The following ATP10D variants were observed in gnomAD, a reference collection of about 807,000 sequenced individuals.
The protein encoded by ATP10D is ATPase phospholipid transporting 10D (putative).
ATP10D carries 89 observed loss-of-function variants against 144.8 expected under a neutral mutation model. That is an observed-to-expected ratio of 0.61 (90% confidence interval 0.52 to 0.73). ATP10D has a LOEUF of 0.73. ATP10D is among the 30% of genes least tolerant of loss of function. The pLI, the probability that ATP10D is intolerant of heterozygous loss-of-function variation, is 0.00. For missense variants in ATP10D, 1,603 were observed against 1,714.8 expected (o/e 0.93, Z 1.15); for synonymous variants, 571 against 615.1 (o/e 0.93, Z 1.06).
chr4:47,573,053 C>G, intron 18 of ATP10D, 56 bp downstream of exon 18: 1 of 1,585,740 alleles, frequency 6.3e-7, no homozygotes, highest in Non-Finnish European at 8.6e-7. Context: ...AAGACTGTTG[C>G]ATCAGGGATG....
At chr4:47,534,475 A>G (rs2109422239) in intron 5 of ATP10D, among the ~76,000 whole-genome samples, 1 of 152,268 alleles carries the variant, frequency 6.6e-6, no homozygotes, top group East Asian at 1.9e-4. Context: ...TGAAATGCCT[A>G]ATAGAGGTTT....
intron 1 of ATP10D, among the ~76,000 whole-genome samples, chr4:47,500,493 T>C (rs1254558668): frequency 6.6e-6 from 1 of 152,182 alleles, no homozygotes; most frequent in Non-Finnish European, 1.5e-5. Context: ...AGATTCTGGA[T>C]ATAGTTTAAG....
At chr4:47,588,382 C>T (rs1266955249) in intron 22 of ATP10D, among the ~76,000 whole-genome samples, 3 of 152,126 alleles carry the variant, frequency 2.0e-5, no homozygotes, top group Non-Finnish European at 2.9e-5. Context: ...TCTATAACAG[C>T]GTCAACAAAC....
At position 47,489,216 on chromosome 4, in the gene ATP10D, C is replaced by T. The variant is rs541963174; in HGVS notation, c.-38+3697C>T. On this transcript the variant is annotated intron_variant, in intron 1 of 22. Coordinates refer to ENST00000273859, the MANE Select transcript of ATP10D (RefSeq NM_020453.4). ...CAATAATCAAAGAATCCCAGCAGAG[C>T]GATAAATTACCACATTTTCACACAT... Among the ~76,000 whole-genome samples, 15 of 152,084 alleles carry T rather than the reference C, an allele frequency of 9.9e-5. 1 individual carries two copies. The highest frequency in any genetic ancestry group is 4.2e-4 in the South Asian group (2 of 4,816).
intron 1 of ATP10D, among the ~76,000 whole-genome samples, chr4:47,509,887 T>C (rs1716218893): frequency 6.6e-6 from 1 of 152,028 alleles, no homozygotes; most frequent in African/African-American, 2.4e-5. Flanking sequence ...AGAAGATCCC[T>C]GTATGCATTG....
chr4:47,529,460 T>A (rs541750153), intron 5 of ATP10D, among the ~76,000 whole-genome samples: 6 of 152,276 alleles, frequency 3.9e-5, no homozygotes, highest in African/African-American at 7.2e-5. Context: ...GACATGTGGC[T>A]TCAATTCTGG....
At chr4:47,586,945 G>T in intron 21 of ATP10D, 74 bp from the exon 22 acceptor site, 1 of 1,356,694 alleles carries the variant, frequency 7.4e-7, no homozygotes. Context: ...CTCTTTAATG[G>T]AGCAGATTTG....
chr4:47,497,078 C>T (rs1237789468), intron 1 of ATP10D, among the ~76,000 whole-genome samples: 3 of 152,044 alleles, frequency 2.0e-5, no homozygotes, highest in African/African-American at 4.8e-5. Flanking sequence ...TGACCTCAGG[C>T]GATCCTCCCA....
intron 19 of ATP10D, among the ~76,000 whole-genome samples, chr4:47,580,077 G>T (rs1191627485): frequency 6.6e-6 from 1 of 152,176 alleles, no homozygotes; most frequent in Non-Finnish European, 1.5e-5. Context: ...GGATAGAGTT[G>T]GAGAAGTTTT....
chr4:47,535,491 A>T lies in ATP10D; in HGVS notation c.777-18A>T, dbSNP rs772021379. 5.8e-5 allele frequency: 92 copies of T among 1,587,480 alleles called. No homozygotes were observed. Among genetic ancestry groups the T allele is most frequent in the Admixed American group, 1.8e-4 (10 of 55,756 alleles). On this transcript the variant is annotated intron_variant, in intron 5 of 22. Transcript: ENST00000273859. ...TTTTGCTGTTTAAAAGTGAATTTAT[A>T]TGCTGTCTTTCTTATAGAGAACATT...
intron 1 of ATP10D, among the ~76,000 whole-genome samples, chr4:47,485,819 GTACATA>G (rs1714723863): frequency 1.0e-3 from 4 of 3,918 alleles, no homozygotes; most frequent in Non-Finnish European, 3.6e-3. Flanking sequence ...ACACGGGCAC[GTACATA>G]CACGCATTCT....
intron 1 of ATP10D, among the ~76,000 whole-genome samples, chr4:47,502,256 C>G (rs1715723795): frequency 6.6e-6 from 1 of 152,074 alleles, no homozygotes; most frequent in Non-Finnish European, 1.5e-5. Context: ...GGGCGGATCA[C>G]GAGGTCAGAT....
At chr4:47,586,243 GTTAC>G (rs1165743221) in intron 21 of ATP10D, among the ~76,000 whole-genome samples, 1 of 152,180 alleles carries the variant, frequency 6.6e-6, no homozygotes, top group Non-Finnish European at 1.5e-5. Context: ...TCTAGATAAA[GTTAC>G]TTAATTAGTG....
chr4:47,529,789 C>A (rs1434690086), intron 5 of ATP10D, among the ~76,000 whole-genome samples: 2 of 151,952 alleles, frequency 1.3e-5, no homozygotes, highest in African/African-American at 4.8e-5. Context: ...GATCTTTTTT[C>A]ATTTATTTGT....
At position 47,591,427 on chromosome 4, in the gene ATP10D, G is replaced by A; in HGVS notation, c.*46G>A. ...AGTATTCTTTCAAGGTTGGAAGAGGGATTTTGAAGAGGTATCTCTCCAAGC... is the reference window on the plus strand; with the variant it reads ...AGTATTCTTTCAAGGTTGGAAGAGGAATTTTGAAGAGGTATCTCTCCAAGC... On this transcript the variant is annotated 3_prime_UTR_variant, in exon 23 of 23. Transcript: ENST00000273859. The A allele has an allele frequency of 1.4e-6, 2 of 1,464,292 alleles. No individual in the cohort carries two copies. The highest frequency in any genetic ancestry group is 4.3e-5 in the Admixed American group (2 of 46,728). 90.7% of individuals were successfully genotyped at this position (1,464,292 alleles called of 1,614,324 possible).
In ATP10D at chr4:47,580,585, A is replaced by G. The variant is rs1183644989; in HGVS notation, c.3648+107A>G. The stretch of plus-strand genomic sequence containing the variant: ...AGGAGGGCAGATTGCTCATATAATC[A>G]GGTTGATTATTAACTGACTAAATTA... On this transcript the variant is annotated intron_variant, in intron 20 of 22. Transcript: ENST00000273859. 7 of 971,582 alleles carry G rather than the reference A, an allele frequency of 7.2e-6. No homozygotes were observed. In the Admixed American group the frequency reaches 1.1e-4, roughly 15 times the overall value. 60.2% of individuals were successfully genotyped at this position (971,582 alleles called of 1,614,324 possible).
intron 11 of ATP10D, among the ~76,000 whole-genome samples, chr4:47,555,249 T>A (rs1485701917): frequency 6.6e-6 from 1 of 152,196 alleles, no homozygotes; most frequent in Non-Finnish European, 1.5e-5. Flanking sequence ...CGAACCCTAT[T>A]ATGAACTGCA....
chr4:47,504,075 A>G (rs1560412067), intron 1 of ATP10D, among the ~76,000 whole-genome samples: 1 of 152,184 alleles, frequency 6.6e-6, no homozygotes, highest in Non-Finnish European at 1.5e-5. Flanking sequence ...GAATGGCACT[A>G]AGAACTCCAA....
At chr4:47,534,493 C>T (rs1359810606) in intron 5 of ATP10D, among the ~76,000 whole-genome samples, 1 of 152,144 alleles carries the variant, frequency 6.6e-6, no homozygotes, top group East Asian at 1.9e-4. Flanking sequence ...TTTGATTAAG[C>T]GCCTGTAGGG....
Sources: gnomAD v4.1 joint callset for allele counts (sites outside exome capture counted in the v4.1 genomes callset) on GRCh38, gnomAD v4.1.1 for gene constraint, MANE v1.5 for transcripts, NCBI Gene and HGNC (gene_info 2026-07-23, HGNC 2026-07-21) for gene names.